The following C4orf50 variants were observed in gnomAD, a reference collection of about 807,000 sequenced individuals.
C4orf50 encodes the protein uncharacterized protein C4orf50.
C4orf50 carries 80 observed loss-of-function variants against 77.2 expected under a neutral mutation model. The ratio of observed to expected loss-of-function variants is 1.04; its 90% CI spans 0.87 to 1.25. The LOEUF (loss-of-function observed/expected upper bound fraction) is 1.25, where lower values mean the gene tolerates loss of function less well. Among genes scored for constraint, C4orf50 ranks in the 50% most tolerant of loss-of-function variants. The pLI is 0.00. For synonymous variants in C4orf50, 532 were observed against 465.3 expected (o/e 1.14, Z -1.84); for missense variants, 1,257 against 1,152.9 (o/e 1.09, Z -1.31).
In C4orf50 at chr4:6,015,532, C is replaced by T. The variant is rs1321751865; in HGVS notation, c.287+2613G>A. On this transcript the variant is annotated intron_variant, in intron 23 of 33. Coordinates refer to ENST00000531445, the Ensembl canonical transcript of C4orf50. This position sits in a 1 kb window ranked among gnomAD's most constrained non-coding sequence, Gnocchi z 4.4. ...AATGTTGATGAGAAAAAAAAAGATT[C>T]CCAGCCAGGGCCACTGTCTATGTGG... Among the ~76,000 whole-genome samples the T allele has an allele frequency of 1.3e-5, 2 of 151,478 alleles. No individual in the cohort carries two copies. Among genetic ancestry groups the T allele is most frequent in the Non-Finnish European group, 2.9e-5 (2 of 67,856 alleles).
Position 5,958,187 on chromosome 4 carries a change from G to A in C4orf50, c.*1188C>T, listed in dbSNP as rs893168884. On this transcript the variant is annotated 3_prime_UTR_variant, in exon 34 of 34. Transcript: ENST00000531445. The surrounding 1 kb of genome is among the most constrained non-coding windows in gnomAD (Gnocchi z 5.4). ...GAGCCTGGGTCAGGGTCTGGTGTGT[G>A]TCGTCCAAGCCCCCTAGACTCTCTT... 14 of 152,302 alleles carry A rather than the reference G, an allele frequency of 9.2e-5. No individual in the cohort carries two copies. The highest frequency in any genetic ancestry group is 1.6e-4 in the Non-Finnish European group (11 of 68,100). 9.4% of individuals were successfully genotyped at this position (152,302 alleles called of 1,614,324 possible). A position where few individuals can be genotyped will look rare whatever the true frequency, so the allele number is the denominator to read the frequency against.
intron 32 of C4orf50, 137 bp downstream of exon 10, chr4:5,967,277 G>T (rs969745336): frequency 1.4e-6 from 1 of 713,110 alleles, no homozygotes; most frequent in Non-Finnish European, 2.6e-6. Flanking sequence ...AAGCGGGAGG[G>T]AGAGGTGGGT....
chr4:5,967,628 T>C lies in C4orf50; in HGVS notation c.4105-166A>G, dbSNP rs187902850. Among the ~76,000 whole-genome samples the C allele has an allele frequency of 4.3e-3, 551 of 127,870 alleles. 2 individuals carry two copies. The highest frequency in any genetic ancestry group is 0.017 in the African/African-American group (528 of 31,282). The allele number at this position is 127,870 out of a possible 152,430, so 83.9% of individuals were successfully genotyped here. A position where few individuals can be genotyped will look rare whatever the true frequency, so the allele number is the denominator to read the frequency against. Reference sequence around the variant, plus strand: ...GTGCATGAAGACCTCCCTCCTCTTCTCTCCAGGATGCTCAAAGGAAAACGG... The same window carrying C: ...GTGCATGAAGACCTCCCTCCTCTTCCCTCCAGGATGCTCAAAGGAAAACGG... On this transcript the variant is annotated intron_variant, in intron 31 of 33. Coordinates refer to ENST00000531445, the Ensembl canonical transcript of C4orf50.
Position 5,905,337 on chromosome 4 carries a change from T to C in C4orf50, c.*2475-7149A>G, listed in dbSNP as rs1489941857. ...GGAAGATGGTTGCTTGGCTTATAAT[T>C]TGGCTCACTGGAAAGGATTGTAAAT... On this transcript the variant is annotated intron_variant, in intron 7 of 7. Transcript: ENST00000324058. The surrounding 1 kb of genome is among the most constrained non-coding windows in gnomAD (Gnocchi z 5.4). 1.3e-5 allele frequency: 2 copies of C among 152,232 alleles called. No homozygotes were observed. Among genetic ancestry groups the C allele is most frequent in the African/African-American group, 4.8e-5 (2 of 41,456 alleles). 9.4% of individuals were successfully genotyped at this position (152,232 alleles called of 1,614,324 possible).
intron 26 of C4orf50, among the ~76,000 whole-genome samples, chr4:5,994,145 G>T (rs1721446245): frequency 6.6e-6 from 1 of 152,228 alleles, no homozygotes; most frequent in Admixed American, 6.5e-5. Flanking sequence ...CCTGGTGGGA[G>T]TTGCATACTC....
At chr4:5,990,426 G>T (rs1721199507) in exon 28 of C4orf50, 2 of 408,768 alleles carry the variant, frequency 4.9e-6, no homozygotes, top group Non-Finnish European at 8.5e-6. Context: ...GATCCTTGGG[G>T]TGTTTTTTCA....
chr4:5,971,718 C>T (rs1308844208), intron 31 of C4orf50, among the ~76,000 whole-genome samples: 2 of 152,308 alleles, frequency 1.3e-5, no homozygotes, highest in South Asian at 4.1e-4. Context: ...ATTTTTCATC[C>T]ATTCATCAGA....
chr4:5,978,331 G>T (rs949365736), intron 29 of C4orf50, among the ~76,000 whole-genome samples: 1 of 152,054 alleles, frequency 6.6e-6, no homozygotes, highest in Non-Finnish European at 1.5e-5. Context: ...ATAAAAAAAA[G>T]AATCATAGGG....
chr4:5,943,084 T>C (rs1718330208), intron 7 of C4orf50, among the ~76,000 whole-genome samples: 1 of 152,230 alleles, frequency 6.6e-6, no homozygotes, highest in African/African-American at 2.4e-5. Flanking sequence ...GATATTTGAT[T>C]ATCCTAGTGT....
At chr4:5,985,032 G>T (rs1405702293) in intron 28 of C4orf50, among the ~76,000 whole-genome samples, 1 of 152,080 alleles carries the variant, frequency 6.6e-6, no homozygotes, top group Non-Finnish European at 1.5e-5. Flanking sequence ...TGACAATTAT[G>T]ACTGATTTCT....
chr4:5,932,700 C>T lies in C4orf50; in HGVS notation c.*2474+24201G>A, dbSNP rs1717820443. 6.6e-6 allele frequency among the ~76,000 whole-genome samples: 1 copy of T among 152,112 alleles called. No homozygotes were observed. Among genetic ancestry groups the T allele is most frequent in the African/African-American group, 2.4e-5 (1 of 41,400 alleles). ...CAGGCAATTCTCTTACCTCAGCCTC[C>T]CAAAGTGCTGAGATAACAGGTGTGA... On this transcript the variant is annotated intron_variant, in intron 7 of 7. Transcript: ENST00000324058. This position sits in a 1 kb window ranked among gnomAD's most constrained non-coding sequence, Gnocchi z 4.2.
In C4orf50 at chr4:6,008,078, C is replaced by T. The variant is rs749095418; in HGVS notation, c.881G>A (p.Gly294Asp). Residue 294 changes from glycine to aspartate, a missense_variant, in exon 25 of 34, where the codon GGC (glycine) becomes GAC (aspartate). Transcript: ENST00000531445. The surrounding 1 kb of genome is among the most constrained non-coding windows in gnomAD (Gnocchi z 6.0). Reference sequence around the variant, plus strand: ...TTGCTGGGCGAGGTCCTCCACCTGGCCCTGCAGGCCAATCTCTGACAGCTT... The same window carrying T: ...TTGCTGGGCGAGGTCCTCCACCTGGTCCTGCAGGCCAATCTCTGACAGCTT... The T allele has an allele frequency of 2.5e-6, 1 of 399,222 alleles. No homozygotes were observed. The highest frequency in any genetic ancestry group is 4.4e-6 in the Non-Finnish European group (1 of 226,218). The allele number at this position is 399,222 out of a possible 1,614,324, so 24.7% of individuals were successfully genotyped here.
At chr4:5,975,296 AC>A (rs1303394628) in intron 30 of C4orf50, among the ~76,000 whole-genome samples, 1 of 151,836 alleles carries the variant, frequency 6.6e-6, no homozygotes, top group Non-Finnish European at 1.5e-5. Context: ...CTCGTGCTTC[AC>A]CCCAGCATGA....
intron 32 of C4orf50, among the ~76,000 whole-genome samples, chr4:5,966,557 A>G (rs6841982): frequency 1.3e-5 from 2 of 151,704 alleles, no homozygotes; most frequent in African/African-American, 4.8e-5. Flanking sequence ...TAACCACGGC[A>G]AATGTTTTAG....
chr4:5,916,233 C>T lies in C4orf50; in HGVS notation c.*2475-18045G>A, dbSNP rs1006892914. 6.6e-6 allele frequency among the ~76,000 whole-genome samples: 1 copy of T among 152,222 alleles called. No individual in the cohort carries two copies. The highest frequency in any genetic ancestry group is 1.9e-4 in the East Asian group (1 of 5,194). On this transcript the variant is annotated intron_variant, in intron 7 of 7. Transcript: ENST00000324058. The surrounding 1 kb of genome is among the most constrained non-coding windows in gnomAD (Gnocchi z 4.4). ...ACAGGGAACAGACGCACCAACAGCT[C>T]CTGGTTACTCTGGGGGGCCCATGCA... is the stretch of plus-strand genomic sequence containing the variant.
chr4:5,975,482 C>CTTCTTTGCGG (rs1265226007), intron 30 of C4orf50, among the ~76,000 whole-genome samples: 1 of 144,146 alleles, frequency 6.9e-6, no homozygotes, highest in Non-Finnish European at 1.5e-5. Flanking sequence ...CTCCTTCATT[C>CTTCTTTGCGG]TTCTTTGCGG....
At position 5,970,293 on chromosome 4, in the gene C4orf50, A is replaced by G. The variant is rs1169431326; in HGVS notation, c.4105-2831T>C. Among the ~76,000 whole-genome samples the G allele has an allele frequency of 6.6e-6, 1 of 152,142 alleles. No individual in the cohort carries two copies. Among genetic ancestry groups the G allele is most frequent in the Non-Finnish European group, 1.5e-5 (1 of 68,022 alleles). On this transcript the variant is annotated intron_variant, in intron 31 of 33. Transcript: ENST00000531445. This position sits in a 1 kb window ranked among gnomAD's most constrained non-coding sequence, Gnocchi z 4.3. Reference sequence around the variant, plus strand: ...TAAGAACTCTAGAGAGGTTTTAGGAATCCGAGAACAGCCTTCCCTGAGGGA... The same window carrying G: ...TAAGAACTCTAGAGAGGTTTTAGGAGTCCGAGAACAGCCTTCCCTGAGGGA...
chr4:6,005,271 T>C (rs558965125), intron 25 of C4orf50, among the ~76,000 whole-genome samples: 1 of 152,310 alleles, frequency 6.6e-6, no homozygotes, highest in East Asian at 1.9e-4. Context: ...CCACACTTGA[T>C]GGGCAATTTA....
At chr4:5,980,192 C>T in exon 29 of C4orf50, 1 of 1,601,458 alleles carries the variant, frequency 6.2e-7, no homozygotes, top group Non-Finnish European at 8.5e-7. Context: ...GGAGCTCCTC[C>T]TGGAGGCGGG....
Sources: allele counts gnomAD v4.1 joint callset (sites outside exome capture counted in the v4.1 genomes callset), GRCh38; gene constraint gnomAD v4.1.1; non-coding constraint Gnocchi (gnomAD v3.1); transcripts MANE v1.5; gene names NCBI Gene and HGNC (gene_info 2026-07-23, HGNC 2026-07-21).